Variants in PRICKLE1 observed in about 807,000 individuals in gnomAD.
The protein encoded by PRICKLE1 is prickle planar cell polarity protein 1, also known as prickle-like protein 1.
In PRICKLE1, 14 loss-of-function variants were observed where a neutral mutation model predicts 70.2. The observed-to-expected ratio is 0.20, with a 90% CI of 0.13 to 0.31. PRICKLE1 has a LOEUF of 0.31. Ranked by LOEUF, PRICKLE1 falls within the 10% of genes least tolerant of loss-of-function variation. PRICKLE1 has a pLI of 1.00. For synonymous variants in PRICKLE1, 357 were observed against 379.9 expected, an observed-to-expected ratio of 0.94 and a Z score of 0.70; for missense variants, 821 against 1,026.2, an observed-to-expected ratio of 0.80 and a Z score of 2.73.
chr12:42,559,105 C>G (rs192059439), intron 1 of PRICKLE1, among the ~76,000 whole-genome samples: 1 of 152,290 alleles, frequency 6.6e-6, no homozygotes, highest in African/African-American at 2.4e-5. Flanking sequence ...GAGCTCAGGC[C>G]TCTTGTGAAG....
chr12:42,465,997 A>G (rs1340352800), intron 6 of PRICKLE1, 197 bp downstream of exon 6: 2 of 650,602 alleles, frequency 3.1e-6, no homozygotes, highest in Non-Finnish European at 5.4e-6. Flanking sequence ...CACAGAACAC[A>G]ACTACTGCAA....
chr12:42,493,622 A>T (rs1424399438), intron 1 of PRICKLE1, among the ~76,000 whole-genome samples: 1 of 152,186 alleles, frequency 6.6e-6, no homozygotes, highest in Non-Finnish European at 1.5e-5. Context: ...CCCAGTCATC[A>T]CAGATGCCTC....
intron 4 of PRICKLE1, 69 bp downstream of exon 4, chr12:42,469,381 C>T: frequency 6.3e-7 from 1 of 1,592,682 alleles, no homozygotes; most frequent in Non-Finnish European, 8.6e-7. Flanking sequence ...AGTCCAGTCA[C>T]CTACCCCCGA....
intron 1 of PRICKLE1, among the ~76,000 whole-genome samples, chr12:42,497,440 T>C (rs773852137): frequency 4.0e-5 from 6 of 150,462 alleles, no homozygotes; most frequent in Non-Finnish European, 8.8e-5. Context: ...TCCCAGCTAC[T>C]CGGGAGGCTG....
chr12:42,480,280 A>C (rs541604023), intron 1 of PRICKLE1, among the ~76,000 whole-genome samples: 10 of 152,324 alleles, frequency 6.6e-5, no homozygotes, highest in African/African-American at 2.4e-4. Context: ...TTAGGCAACC[A>C]TTCTTTGAAA....
In PRICKLE1 at chr12:42,528,976, C is replaced by T. The variant is rs116041765; in HGVS notation, c.-48-56412G>A. Among the ~76,000 whole-genome samples the T allele has an allele frequency of 3.2e-3, 494 of 152,276 alleles. 2 individuals carry two copies. Among genetic ancestry groups the T allele is most frequent in the African/African-American group, 0.011 (463 of 41,548 alleles). On this transcript the variant is annotated intron_variant, in intron 1 of 7. Coordinates refer to ENST00000345127, the MANE Select transcript of PRICKLE1 (RefSeq NM_153026.3). ...TGACTCTTTGCCTCTAAGCCACCACCGGCTAAGGGAAGGCTCCCTTGAAAA... is the reference window on the plus strand; with the variant it reads ...TGACTCTTTGCCTCTAAGCCACCACTGGCTAAGGGAAGGCTCCCTTGAAAA...
intron 1 of PRICKLE1, among the ~76,000 whole-genome samples, chr12:42,517,230 T>C (rs1316795742): frequency 1.3e-5 from 2 of 152,144 alleles, no homozygotes; most frequent in African/African-American, 4.8e-5. Context: ...GTTACTTCTT[T>C]TTTAAAAATA....
intron 1 of PRICKLE1, among the ~76,000 whole-genome samples, chr12:42,481,623 G>A (rs553344577): frequency 6.6e-6 from 1 of 152,288 alleles, no homozygotes; most frequent in East Asian, 1.9e-4. Flanking sequence ...GCAGATCACA[G>A]GTTCTCCATT....
intron 1 of PRICKLE1, among the ~76,000 whole-genome samples, chr12:42,495,380 C>CAAA (rs756105644): frequency 1.0e-4 from 7 of 69,028 alleles, no homozygotes; most frequent in Admixed American, 3.4e-4. Flanking sequence ...GACCTTGTCT[C>CAAA]AAAAAAAAAA....
chr12:42,469,311 T>C (rs1417459360), intron 4 of PRICKLE1, 139 bp downstream of exon 4: 1 of 955,488 alleles, frequency 1.0e-6, no homozygotes, highest in Non-Finnish European at 1.6e-6. Context: ...TGCTATTTAA[T>C]AAAAAGCTAG....
Position 42,464,934 on chromosome 12 carries a change from G to A in PRICKLE1, c.1100C>T (p.Ala367Val). The A allele has an allele frequency of 6.2e-7, 1 of 1,614,184 alleles. No individual in the cohort carries two copies. The highest frequency in any genetic ancestry group is 8.5e-7 in the Non-Finnish European group (1 of 1,180,040). Residue 367 changes from alanine (A) to valine (V), a missense_variant, in exon 7 of 8, where the codon GCT becomes GTT. Transcript: ENST00000345127. This position sits in a 1 kb window ranked among gnomAD's most constrained non-coding sequence, Gnocchi z 4.2. ...NYKFPGLSGN[A>V]DDTLSRKLDD... ...CAATTTTCGAGAAAGGGTGTCATCA[G>A]CATTGCCTGAGAGGCCAGGAAACTT...
chr12:42,526,346 T>C (rs1017617702), intron 1 of PRICKLE1, among the ~76,000 whole-genome samples: 4 of 151,874 alleles, frequency 2.6e-5, no homozygotes, highest in Non-Finnish European at 4.4e-5. Context: ...AATGGAGGTA[T>C]GAATGAGGTT....
At chr12:42,539,741 A>T (rs1231489993) in intron 1 of PRICKLE1, among the ~76,000 whole-genome samples, 1 of 152,202 alleles carries the variant, frequency 6.6e-6, no homozygotes, top group Non-Finnish European at 1.5e-5. Context: ...TCACATATTT[A>T]TGCATTAAGT....
rs1346576445 is a variant in PRICKLE1 at position 42,589,729 on chromosome 12, G to C, written c.-313C>G. 1.3e-5 allele frequency: 2 copies of C among 149,262 alleles called. No individual in the cohort carries two copies. The highest frequency in any genetic ancestry group is 3.0e-5 in the Non-Finnish European group (2 of 67,088). 9.2% of individuals were successfully genotyped at this position (149,262 alleles called of 1,614,324 possible). On this transcript the variant is annotated 5_prime_UTR_variant, in exon 1 of 8. Transcript: ENST00000345127. The surrounding 1 kb of genome is among the most constrained non-coding windows in gnomAD (Gnocchi z 5.0). ...GCCGCGGGAGACGGCGCTGGCAGCT[G>C]GGCTGCAGGCGGAGTGCGCTCGGGC...
In PRICKLE1 at chr12:42,459,576, G is replaced by A. The variant is rs886049373; in HGVS notation, c.*233C>T. ...AGCTACGTCCATCTGTAACGCACCC[G>A]CACCGGACAGGCACGAGATGTCACG... On this transcript the variant is annotated 3_prime_UTR_variant, in exon 8 of 8. Transcript: ENST00000345127. 2.1e-5 allele frequency: 13 copies of A among 627,914 alleles called. No individual in the cohort carries two copies. Among genetic ancestry groups the A allele is most frequent in the African/African-American group, 1.3e-4 (7 of 54,366 alleles). 38.9% of individuals were successfully genotyped at this position (627,914 alleles called of 1,614,324 possible). A position where few individuals can be genotyped will look rare whatever the true frequency, so the allele number is the denominator to read the frequency against.
rs190640092 is a variant in PRICKLE1, at chr12:42,559,730, T to C, written c.-49+29735A>G. ...CCTCTTGCCTTGTCTTCCCAAAGCA[T>C]TGGGATTACAGGTGTGAGCCACTGC... On this transcript the variant is annotated intron_variant, in intron 1 of 7. Transcript: ENST00000345127. 2.0e-3 allele frequency among the ~76,000 whole-genome samples: 304 copies of C among 151,134 alleles called. 1 individual carries two copies. The highest frequency in any genetic ancestry group is 5.0e-3 in the Admixed American group (76 of 15,128).
chr12:42,569,165 T>G (rs1940668850), intron 1 of PRICKLE1, among the ~76,000 whole-genome samples: 1 of 152,222 alleles, frequency 6.6e-6, no homozygotes, highest in Admixed American at 6.5e-5. Context: ...TGTTACATCC[T>G]GAAACAAGCT....
At chr12:42,470,410 A>C in intron 2 of PRICKLE1, 51 bp from the exon 3 acceptor site, 4 of 1,209,026 alleles carry the variant, frequency 3.3e-6, no homozygotes, top group Non-Finnish European at 4.9e-6. Flanking sequence ...TGAGCATCTC[A>C]GCTCACTTAA....
chr12:42,575,144 A>G (rs1940783325), intron 1 of PRICKLE1, among the ~76,000 whole-genome samples: 1 of 152,126 alleles, frequency 6.6e-6, no homozygotes, highest in Admixed American at 6.6e-5. Context: ...GTGAAACTAA[A>G]GAGTAAATAA....
Sources: allele counts gnomAD v4.1 joint callset (sites outside exome capture counted in the v4.1 genomes callset), GRCh38; gene constraint gnomAD v4.1.1; non-coding constraint Gnocchi (gnomAD v3.1); transcripts MANE v1.5; gene names NCBI Gene and HGNC (gene_info 2026-07-23, HGNC 2026-07-21).